Variants in STMN2 observed in about 807,000 individuals in gnomAD.
The protein encoded by STMN2 is stathmin 2, also known as stathmin-2.
In STMN2, 2 loss-of-function variants were observed where a neutral mutation model predicts 24.1. The ratio of observed to expected loss-of-function variants is 0.08; its 90% CI spans 0.03 to 0.26. The LOEUF is 0.26. Among genes scored for constraint, STMN2 ranks in the 10% least tolerant of loss-of-function variants. The probability of loss-of-function intolerance (pLI) is 1.00; values close to 1 mark genes in which losing one functional copy is unlikely to be tolerated. For synonymous variants in STMN2, 83 were observed against 77.5 expected (o/e 1.07, Z -0.37); for missense variants, 114 against 213.6 (o/e 0.53, Z 2.91).
At chr8:79,652,445 G>A (rs920762758) in intron 3 of STMN2, among the ~76,000 whole-genome samples, 1 of 152,182 alleles carries the variant, frequency 6.6e-6, no homozygotes, top group African/African-American at 2.4e-5. Context: ...GGGCATGCAT[G>A]AGGTGGAGAT....
intron 1 of STMN2, among the ~76,000 whole-genome samples, chr8:79,614,677 C>T (rs1809341889): frequency 6.6e-6 from 1 of 152,112 alleles, no homozygotes; most frequent in South Asian, 2.1e-4. Context: ...CTATTAAAAT[C>T]TACAACTTTA....
chr8:79,641,628 G>GCA (rs61386841), intron 3 of STMN2, 78 bp downstream of exon 3: 54,741 of 423,018 alleles, frequency 0.13, 1,895 homozygotes, highest in African/African-American at 0.14. Context: ...ACACATGCAC[G>GCA]CACACACACA....
At chr8:79,616,644 G>C (rs1195459849) in intron 1 of STMN2, among the ~76,000 whole-genome samples, 1 of 152,088 alleles carries the variant, frequency 6.6e-6, no homozygotes, top group African/African-American at 2.4e-5. Flanking sequence ...GTAATATACA[G>C]GTATCCCTCC....
At chr8:79,654,356 A>AG (rs542058278) in intron 3 of STMN2, among the ~76,000 whole-genome samples, 1 of 142,030 alleles carries the variant, frequency 7.0e-6, no homozygotes, top group Non-Finnish European at 1.5e-5. Flanking sequence ...GGGGATAGGG[A>AG]GGGGGGAAGG....
At chr8:79,659,061 A>AT (rs1193370516) in intron 4 of STMN2, among the ~76,000 whole-genome samples, 3 of 152,158 alleles carry the variant, frequency 2.0e-5, no homozygotes, top group Non-Finnish European at 2.9e-5. Flanking sequence ...ATATTTTAGT[A>AT]TTTTTTGTCT....
chr8:79,658,337 T>G (rs1806421876), intron 4 of STMN2, among the ~76,000 whole-genome samples: 1 of 152,086 alleles, frequency 6.6e-6, no homozygotes, highest in Admixed American at 6.6e-5. Context: ...GATGACCACT[T>G]CTGAAATGAC....
intron 3 of STMN2, among the ~76,000 whole-genome samples, chr8:79,646,371 A>G (rs1264070359): frequency 1.3e-5 from 2 of 151,982 alleles, no homozygotes; most frequent in African/African-American, 4.8e-5. Context: ...TAGCAGGACA[A>G]AGAGAACTGG....
rs1806578884 is a variant in STMN2, at chr8:79,665,397, G to T, written c.*523G>T. On this transcript the variant is annotated 3_prime_UTR_variant, in exon 5 of 5. Coordinates refer to ENST00000220876, the MANE Select transcript of STMN2 (RefSeq NM_007029.4). ...TGACTCCACATGAACCTTCACATTT[G>T]TTCGCTCATAATCTACTTACTGCCT... 1 of 154,358 alleles carries T rather than the reference G, an allele frequency of 6.5e-6. No homozygotes were observed. The highest frequency in any genetic ancestry group is 1.5e-5 in the Non-Finnish European group (1 of 68,248). 9.6% of individuals were successfully genotyped at this position (154,358 alleles called of 1,614,324 possible).
chr8:79,632,054 G>A (rs543732009), intron 1 of STMN2, among the ~76,000 whole-genome samples: 1 of 152,266 alleles, frequency 6.6e-6, no homozygotes, highest in Non-Finnish European at 1.5e-5. Flanking sequence ...CATTAGCAGA[G>A]AACCCTATTT....
In STMN2 at chr8:79,642,810, T is replaced by C. The variant is rs184327245; in HGVS notation, c.288+1260T>C. Among the ~76,000 whole-genome samples the C allele has an allele frequency of 5.2e-3, 788 of 151,518 alleles. 10 individuals carry two copies. The highest frequency in any genetic ancestry group is 0.018 in the African/African-American group (756 of 41,384). On this transcript the variant is annotated intron_variant, in intron 3 of 4. Coordinates refer to ENST00000220876, the MANE Select transcript of STMN2 (RefSeq NM_007029.4). The stretch of plus-strand genomic sequence containing the variant: ...GTTGAAAAAAAATCCTCCTATGATA[T>C]GTAATATGCTGATCTCAATTTTCAC...
intron 1 of STMN2, among the ~76,000 whole-genome samples, chr8:79,625,218 T>C (rs887210649): frequency 2.6e-5 from 4 of 152,210 alleles, no homozygotes; most frequent in African/African-American, 9.6e-5. Flanking sequence ...TTTTTTGCAC[T>C]ATAGACTTTT....
chr8:79,633,767 C>T (rs1429928888), intron 1 of STMN2, among the ~76,000 whole-genome samples: 1 of 152,184 alleles, frequency 6.6e-6, no homozygotes, highest in African/African-American at 2.4e-5. Flanking sequence ...ATTTCAAATA[C>T]AAATTTTGCG....
At chr8:79,641,801 T>C (rs1810106465) in intron 3 of STMN2, among the ~76,000 whole-genome samples, 1 of 152,014 alleles carries the variant, frequency 6.6e-6, no homozygotes, top group African/African-American at 2.4e-5. Context: ...AAACCAGAGC[T>C]CTCAGAAATC....
At chr8:79,622,477 G>A (rs565980779) in intron 1 of STMN2, among the ~76,000 whole-genome samples, 1 of 152,306 alleles carries the variant, frequency 6.6e-6, no homozygotes, top group East Asian at 1.9e-4. Flanking sequence ...TTGTGGTAGA[G>A]GGAGAGTTGG....
At chr8:79,629,244 T>C (rs982130704) in intron 1 of STMN2, among the ~76,000 whole-genome samples, 1 of 152,132 alleles carries the variant, frequency 6.6e-6, no homozygotes, top group African/African-American at 2.4e-5. Context: ...ACCTCAACGG[T>C]ATTATTTTCT....
Position 79,664,933 on chromosome 8 carries a change from G to A in STMN2, c.*59G>A. 6 of 1,498,964 alleles carry A rather than the reference G, an allele frequency of 4.0e-6. No homozygotes were observed. The highest frequency in any genetic ancestry group is 5.5e-6 in the Non-Finnish European group (6 of 1,095,982). The allele number at this position is 1,498,964 out of a possible 1,614,324, so 92.9% of individuals were successfully genotyped here. ...TAAATCCCCCTGCCTATATTATAAT[G>A]GATCATGCGATATCAGGATGGGGAA... On this transcript the variant is annotated 3_prime_UTR_variant, in exon 5 of 5. Coordinates refer to ENST00000220876, the MANE Select transcript of STMN2 (RefSeq NM_007029.4).
At chr8:79,624,336 C>T (rs1184522636) in intron 1 of STMN2, among the ~76,000 whole-genome samples, 1 of 151,548 alleles carries the variant, frequency 6.6e-6, no homozygotes, top group East Asian at 1.9e-4. Context: ...TGCCTGTAGT[C>T]CCAGCTACTC....
intron 1 of STMN2, among the ~76,000 whole-genome samples, chr8:79,615,413 G>T (rs899721210): frequency 2.0e-5 from 3 of 152,156 alleles, no homozygotes; most frequent in Non-Finnish European, 4.4e-5. Flanking sequence ...GCTCACACCA[G>T]TTTCTTTTTT....
chr8:79,632,877 A>C (rs1258411042), intron 1 of STMN2, among the ~76,000 whole-genome samples: 3 of 152,214 alleles, frequency 2.0e-5, no homozygotes, highest in Non-Finnish European at 4.4e-5. Flanking sequence ...CATATTAATG[A>C]TTGTTCCCAC....
Sources: gnomAD v4.1 joint callset for allele counts (sites outside exome capture counted in the v4.1 genomes callset) on GRCh38, gnomAD v4.1.1 for gene constraint, MANE v1.5 for transcripts, NCBI Gene and HGNC (gene_info 2026-07-23, HGNC 2026-07-21) for gene names.